DIAPH3: variants seen among roughly 807,000 people sequenced by gnomAD.
The protein encoded by DIAPH3 is protein diaphanous homolog 3.
In DIAPH3, 117 loss-of-function variants were observed where a neutral mutation model predicts 144.3. That is an observed-to-expected ratio of 0.81 (90% CI 0.70 to 0.95). The LOEUF (loss-of-function observed/expected upper bound fraction) is 0.95, where lower values mean the gene tolerates loss of function less well. DIAPH3 is among the 40% of genes least tolerant of loss of function. The pLI, the probability that DIAPH3 is intolerant of heterozygous loss-of-function variation, is 0.00. For synonymous variants in DIAPH3, 519 were observed against 488.9 expected (o/e 1.06, Z -0.81); for missense variants, 1,421 against 1,412.7 (o/e 1.01, Z -0.09).
At chr13:59,814,900 T>C (rs371671216) in intron 24 of DIAPH3, among the ~76,000 whole-genome samples, 2 of 152,256 alleles carry the variant, frequency 1.3e-5, no homozygotes, top group African/African-American at 4.8e-5. Flanking sequence ...AGTCTGACTT[T>C]TTTATATACC....
At chr13:59,833,500 A>G (rs2041890679) in intron 23 of DIAPH3, among the ~76,000 whole-genome samples, 1 of 151,832 alleles carries the variant, frequency 6.6e-6, no homozygotes, top group South Asian at 2.1e-4. Context: ...AGATTTATAT[A>G]TTTAATATTT....
intron 20 of DIAPH3, among the ~76,000 whole-genome samples, chr13:59,910,282 C>A (rs1190457286): frequency 1.3e-5 from 2 of 150,508 alleles, no homozygotes; most frequent in African/African-American, 4.9e-5. Flanking sequence ...ATCAAATAGA[C>A]AAACTAACCA....
At chr13:59,797,022 G>A (rs2139442925) in intron 25 of DIAPH3, among the ~76,000 whole-genome samples, 1 of 152,130 alleles carries the variant, frequency 6.6e-6, no homozygotes, top group African/African-American at 2.4e-5. Context: ...GCAGGGACTG[G>A]AATACTGATA....
At chr13:59,947,595 T>C (rs1314975947) in intron 17 of DIAPH3, among the ~76,000 whole-genome samples, 3 of 152,116 alleles carry the variant, frequency 2.0e-5, no homozygotes, top group African/African-American at 7.2e-5. Flanking sequence ...TTGAGCATGA[T>C]GGTGTACACC....
At chr13:60,141,474 G>A (rs1006426633) in intron 1 of DIAPH3, among the ~76,000 whole-genome samples, 7 of 152,074 alleles carry the variant, frequency 4.6e-5, no homozygotes, top group Non-Finnish European at 7.4e-5. Context: ...GAAGAAAAGC[G>A]GAGTCTCCAC....
intron 25 of DIAPH3, among the ~76,000 whole-genome samples, chr13:59,794,153 G>A (rs2039466002): frequency 6.6e-6 from 1 of 152,178 alleles, no homozygotes; most frequent in Non-Finnish European, 1.5e-5. Flanking sequence ...AGGTAGGCTA[G>A]GCTAAGCTAT....
intron 24 of DIAPH3, among the ~76,000 whole-genome samples, chr13:59,826,209 G>T (rs1373231550): frequency 6.9e-6 from 1 of 143,970 alleles, no homozygotes; most frequent in Admixed American, 7.1e-5. Flanking sequence ...GGAAATAAAG[G>T]GTATTCAATT....
intron 9 of DIAPH3, among the ~76,000 whole-genome samples, chr13:59,995,533 T>C (rs942767589): frequency 1.4e-4 from 22 of 151,930 alleles, no homozygotes; most frequent in African/African-American, 5.1e-4. Context: ...AGCCTATTTA[T>C]TGATGCCTAC....
intron 5 of DIAPH3, among the ~76,000 whole-genome samples, chr13:60,041,288 ATTG>A (rs1319170677): frequency 4.6e-5 from 7 of 152,178 alleles, no homozygotes; most frequent in African/African-American, 9.7e-5. Flanking sequence ...TTAAAACCTC[ATTG>A]TTTCAATCAA....
At chr13:60,141,127 A>G (rs1388102860) in intron 1 of DIAPH3, among the ~76,000 whole-genome samples, 2 of 152,202 alleles carry the variant, frequency 1.3e-5, no homozygotes, top group Non-Finnish European at 2.9e-5. Flanking sequence ...TATGACACTT[A>G]TTAATGGCAG....
intron 24 of DIAPH3, among the ~76,000 whole-genome samples, chr13:59,825,311 G>C (rs1287931006): frequency 1.5e-4 from 23 of 152,080 alleles, no homozygotes; most frequent in Non-Finnish European, 5.9e-5. Context: ...CCTTGCGATA[G>C]TTTACTGAGA....
At chr13:59,756,570 G>A (rs1314031529) in intron 27 of DIAPH3, among the ~76,000 whole-genome samples, 5 of 148,666 alleles carry the variant, frequency 3.4e-5, no homozygotes, top group Admixed American at 3.3e-4. Context: ...GAGAGGGAGG[G>A]AAATCTGCTA....
chr13:60,050,540 A>AGAG (rs1024716445), intron 4 of DIAPH3, among the ~76,000 whole-genome samples: 3 of 152,132 alleles, frequency 2.0e-5, no homozygotes, highest in African/African-American at 2.4e-5. Context: ...AAGAGAATGA[A>AGAG]GAGGAGGAGG....
intron 17 of DIAPH3, among the ~76,000 whole-genome samples, chr13:59,936,705 C>T (rs915965277): frequency 1.3e-5 from 2 of 152,140 alleles, no homozygotes; most frequent in Non-Finnish European, 2.9e-5. Flanking sequence ...GTTCTAACAT[C>T]ATCTATCTTG....
intron 17 of DIAPH3, among the ~76,000 whole-genome samples, chr13:59,967,059 G>GT (rs901336273): frequency 4.0e-5 from 6 of 151,574 alleles, no homozygotes; most frequent in African/African-American, 1.2e-4. Flanking sequence ...GCCTGTTTTT[G>GT]TTTTTTTGTT....
chr13:59,818,185 G>A (rs1014795744), intron 24 of DIAPH3, among the ~76,000 whole-genome samples: 16 of 151,746 alleles, frequency 1.1e-4, no homozygotes, highest in Admixed American at 5.9e-4. Context: ...TGTATTGCCT[G>A]CAAACCTGAA....
intron 22 of DIAPH3, among the ~76,000 whole-genome samples, chr13:59,840,911 T>A (rs2139778116): frequency 6.6e-6 from 1 of 152,166 alleles, no homozygotes; most frequent in Admixed American, 6.6e-5. Context: ...TGAGTCATTG[T>A]CTCAAATTTA....
At chr13:59,696,272 G>A (rs2033796028) in intron 27 of DIAPH3, 1 of 152,110 alleles carries the variant, frequency 6.6e-6, no homozygotes, top group African/African-American at 2.4e-5. Context: ...CATATTATCT[G>A]GATTGATTTT....
chr13:60,103,636 A>T (rs1011796892), intron 3 of DIAPH3, among the ~76,000 whole-genome samples: 2 of 152,248 alleles, frequency 1.3e-5, no homozygotes, highest in African/African-American at 2.4e-5. Flanking sequence ...TATTAAGTCA[A>T]CAGCAATCAT....
Sources: allele counts gnomAD v4.1 joint callset (sites outside exome capture counted in the v4.1 genomes callset), GRCh38; gene constraint gnomAD v4.1.1; transcripts MANE v1.5; gene names NCBI Gene and HGNC (gene_info 2026-07-23, HGNC 2026-07-21).